The following DENND2A variants were observed in gnomAD, a reference collection of about 807,000 sequenced individuals.
DENND2A encodes DENN domain containing 2A.
Under a neutral mutation model 105.3 loss-of-function variants are expected in DENND2A, and 53 were observed. The ratio of observed to expected loss-of-function variants is 0.50; its 90% CI spans 0.40 to 0.63. The LOEUF is 0.63. DENND2A is among the 30% of genes least tolerant of loss of function. The pLI, the probability that DENND2A is intolerant of heterozygous loss-of-function variation, is 0.00. For missense variants in DENND2A, 1,138 were observed against 1,279.6 expected, an observed-to-expected ratio of 0.89 and a Z score of 1.69; for synonymous variants, 522 against 508.4, an observed-to-expected ratio of 1.03 and a Z score of -0.36.
In DENND2A at chr7:140,630,753, C is replaced by T. The variant is rs150669735; in HGVS notation, c.-248+9751G>A. On this transcript the variant is annotated intron_variant, in intron 1 of 19. Coordinates refer to ENST00000496613, the MANE Select transcript of DENND2A (RefSeq NM_015689.5). ...GCACACACCTGTAATTTCAGCTACT[C>T]GGGAGGCTGAGGAAGGAGAAACACT... Among the ~76,000 whole-genome samples the T allele has an allele frequency of 1.0e-3, 153 of 152,202 alleles. 2 individuals are homozygous for T. The highest frequency in any genetic ancestry group is 3.6e-3 in the African/African-American group (148 of 41,520).
intron 1 of DENND2A, among the ~76,000 whole-genome samples, chr7:140,614,426 C>T (rs1009206276): frequency 2.0e-5 from 3 of 152,304 alleles, no homozygotes; most frequent in Non-Finnish European, 4.4e-5. Flanking sequence ...CTTACTGTGA[C>T]TTGTGTTTCT....
intron 14 of DENND2A, among the ~76,000 whole-genome samples, chr7:140,536,716 G>A (rs1272912852): frequency 2.6e-5 from 4 of 152,116 alleles, no homozygotes; most frequent in Non-Finnish European, 4.4e-5. Flanking sequence ...CCAAGCTGCA[G>A]TATAGTCGTG....
At chr7:140,572,455 T>G (rs985585015) in intron 6 of DENND2A, among the ~76,000 whole-genome samples, 4 of 151,810 alleles carry the variant, frequency 2.6e-5, no homozygotes, top group Non-Finnish European at 5.9e-5. Flanking sequence ...ACTCTGAAAT[T>G]AAGAATCCCT....
intron 9 of DENND2A, among the ~76,000 whole-genome samples, chr7:140,566,105 C>A (rs187773418): frequency 1.3e-5 from 2 of 152,194 alleles, no homozygotes; most frequent in Non-Finnish European, 2.9e-5. Flanking sequence ...AATCTCTGCT[C>A]ACTGCAAGCT....
chr7:140,581,688 C>T (rs1422491202), intron 5 of DENND2A, among the ~76,000 whole-genome samples: 2 of 152,316 alleles, frequency 1.3e-5, no homozygotes, highest in Non-Finnish European at 2.9e-5. Flanking sequence ...ATAATGAGCA[C>T]GGACACCGTG....
intron 12 of DENND2A, among the ~76,000 whole-genome samples, chr7:140,554,497 G>A (rs1332020358): frequency 2.0e-5 from 3 of 152,040 alleles, no homozygotes; most frequent in African/African-American, 4.8e-5. Context: ...TTAGCCAGGC[G>A]TGGTGGCACG....
chr7:140,605,122 C>A (rs1346993833), intron 2 of DENND2A, among the ~76,000 whole-genome samples: 2 of 152,214 alleles, frequency 1.3e-5, no homozygotes, highest in Non-Finnish European at 2.9e-5. Context: ...GATGCCGCAA[C>A]TGTCCTACGA....
At chr7:140,637,141 T>C (rs1188978730) in intron 1 of DENND2A, among the ~76,000 whole-genome samples, 64 of 136,750 alleles carry the variant, frequency 4.7e-4, no homozygotes, top group Admixed American at 1.1e-3. Context: ...TAGGCCACTG[T>C]GCCTGGCCAA....
chr7:140,538,972 T>C (rs1796548433), intron 14 of DENND2A, among the ~76,000 whole-genome samples: 1 of 151,384 alleles, frequency 6.6e-6, no homozygotes. Context: ...TATAGGCGTG[T>C]GCCACCACGC....
At chr7:140,553,892 T>A (rs1362241190) in intron 12 of DENND2A, among the ~76,000 whole-genome samples, 2 of 152,214 alleles carry the variant, frequency 1.3e-5, no homozygotes, top group Non-Finnish European at 2.9e-5. Flanking sequence ...TATGTCTACT[T>A]CTTTCTACAC....
rs995453114 is a variant in DENND2A at position 140,518,734 on chromosome 7, A to C, written c.3003T>G (p.Asn1001Lys). 1 of 1,613,472 alleles carries C rather than the reference A, an allele frequency of 6.2e-7. No homozygotes were observed. The highest frequency in any genetic ancestry group is 2.2e-5 in the East Asian group (1 of 44,892). ...GVNKFLKGLG[N>K]KMKFLHKK ...ATTTCTTGTGGAGAAATTTCATTTT[A>C]TTGCCTAAAAAAAAGGAAAATGAGA... The change falls in exon 20 of 20, where the codon AAT becomes AAG. Residue 1001 changes from asparagine to lysine, a missense_variant. By Grantham distance (94) the Asn-to-Lys change is moderately conservative (BLOSUM62 0). This residue lies in a region of DENND2A where 627 missense variants were observed against 779.8 expected (regional missense o/e 0.80). Transcript: ENST00000496613.
chr7:140,528,100 C>T (rs1796129573), intron 14 of DENND2A, among the ~76,000 whole-genome samples: 1 of 152,128 alleles, frequency 6.6e-6, no homozygotes, highest in African/African-American at 2.4e-5. Flanking sequence ...CTCAGCCCCT[C>T]AAAGTGCTGG....
intron 13 of DENND2A, among the ~76,000 whole-genome samples, chr7:140,546,228 G>A (rs1461683812): frequency 6.6e-6 from 1 of 152,038 alleles, no homozygotes; most frequent in Non-Finnish European, 1.5e-5. Context: ...GACCATCCTG[G>A]CCAACATGGT....
At chr7:140,625,575 T>C (rs966101117) in intron 1 of DENND2A, among the ~76,000 whole-genome samples, 3 of 150,968 alleles carry the variant, frequency 2.0e-5, no homozygotes, top group Non-Finnish European at 4.4e-5. Context: ...TCAGCTTCTG[T>C]GGATGCTGAG....
rs1309285548 is a variant in DENND2A, at chr7:140,521,859, G to A, written c.2907C>T (p.Ala969=). 1 of 1,613,844 alleles carries A rather than the reference G, an allele frequency of 6.2e-7. No homozygotes were observed. The highest frequency in any genetic ancestry group is 8.5e-7 in the Non-Finnish European group (1 of 1,179,952). The change falls in exon 18 of 20, where the codon GCC becomes GCT. Residue 969 remains alanine, a synonymous_variant. Coordinates refer to ENST00000496613, the MANE Select transcript of DENND2A (RefSeq NM_015689.5). ...AACAGAGAAGATGCCCCTCACCTTT[G>A]GCATCCTGCCGGCGCAGCTCCCGCT... ...IQERELRRQD[A]KGLFEVRAQE... is the part of the protein sequence containing the mutation.
At chr7:140,567,463 T>A (rs1438758063) in intron 8 of DENND2A, among the ~76,000 whole-genome samples, 190 bp from the exon 9 acceptor site, 1 of 152,206 alleles carries the variant, frequency 6.6e-6, no homozygotes, top group African/African-American at 2.4e-5. Context: ...TGTTTCTGTG[T>A]CTAACAAATT....
chr7:140,530,455 G>A (rs1460247444), intron 14 of DENND2A, among the ~76,000 whole-genome samples: 3 of 151,978 alleles, frequency 2.0e-5, no homozygotes, highest in Non-Finnish European at 4.4e-5. Flanking sequence ...GATACTCACT[G>A]GAGTCAGGAA....
At chr7:140,569,596 A>G in intron 7 of DENND2A, 49 bp downstream of exon 7, 5 of 1,315,840 alleles carry the variant, frequency 3.8e-6, no homozygotes, top group Middle Eastern at 3.6e-4. Flanking sequence ...TCTGGAAAGA[A>G]TCTCTTTTCC....
At chr7:140,554,944 C>G (rs940664469) in intron 12 of DENND2A, among the ~76,000 whole-genome samples, 1 of 152,164 alleles carries the variant, frequency 6.6e-6, no homozygotes, top group African/African-American at 2.4e-5. Context: ...TACGTGGGTA[C>G]ACACCTATCC....
Sources: allele counts gnomAD v4.1 joint callset (sites outside exome capture counted in the v4.1 genomes callset), GRCh38; gene constraint gnomAD v4.1.1; regional missense constraint gnomAD v4.1.1; transcripts MANE v1.5; gene names NCBI Gene and HGNC (gene_info 2026-07-23, HGNC 2026-07-21).